Variants in UBAC2 observed in about 807,000 individuals in gnomAD.
The protein encoded by UBAC2 is ubiquitin-associated domain-containing protein 2.
Under a neutral mutation model 44.0 loss-of-function variants are expected in UBAC2, and 26 were observed. The ratio of observed to expected loss-of-function variants is 0.59; its 90% CI spans 0.43 to 0.82. UBAC2 has a LOEUF of 0.82. Among genes scored for constraint, UBAC2 ranks in the 40% least tolerant of loss-of-function variants. The pLI, the probability that UBAC2 is intolerant of heterozygous loss-of-function variation, is 0.00. For missense variants in UBAC2, 329 were observed against 419.4 expected, an observed-to-expected ratio of 0.78 and a Z score of 1.88; for synonymous variants, 155 against 154.3, an observed-to-expected ratio of 1.00 and a Z score of -0.04.
chr13:99,290,110 A>G (rs2044069846), intron 4 of UBAC2, among the ~76,000 whole-genome samples: 1 of 151,138 alleles, frequency 6.6e-6, no homozygotes, highest in Non-Finnish European at 1.5e-5. Context: ...CTGGCTCCCC[A>G]CTTGCTGACT....
intron 6 of UBAC2, among the ~76,000 whole-genome samples, chr13:99,340,036 T>C (rs193037480): frequency 1.2e-3 from 178 of 152,312 alleles, no homozygotes; most frequent in African/African-American, 3.9e-3. Flanking sequence ...ATGAAGACAG[T>C]GTCTTGACAA....
At chr13:99,374,289 A>G (rs1011449772) in intron 8 of UBAC2, among the ~76,000 whole-genome samples, 1 of 152,108 alleles carries the variant, frequency 6.6e-6, no homozygotes, top group Non-Finnish European at 1.5e-5. Flanking sequence ...GGGATCTCCT[A>G]TTTTTAGAAA....
rs1299730994 is a variant in UBAC2 at position 99,277,017 on chromosome 13, C to T, written c.389+32393C>T. 2.0e-5 allele frequency among the ~76,000 whole-genome samples: 3 copies of T among 152,144 alleles called. No homozygotes were observed. The East Asian group carries it at 5.8e-4, about 29-fold the overall frequency. The stretch of plus-strand genomic sequence containing the variant: ...TAATCAGGTTGCCTCTCAGATTTCA[C>T]CACTGGTGGCTTAGTATTTGGTTTT... On this transcript the variant is annotated intron_variant, in intron 4 of 8. Transcript: ENST00000403766.
intron 4 of UBAC2, among the ~76,000 whole-genome samples, chr13:99,304,535 T>C (rs2044303439): frequency 6.6e-6 from 1 of 152,104 alleles, no homozygotes; most frequent in Admixed American, 6.5e-5. Flanking sequence ...ACCCATTAGT[T>C]AAAGAATAGC....
intron 2 of UBAC2, among the ~76,000 whole-genome samples, chr13:99,239,796 G>C (rs2043279706): frequency 6.6e-6 from 1 of 152,212 alleles, no homozygotes; most frequent in Non-Finnish European, 1.5e-5. Context: ...GGGAGTTGCA[G>C]TTCTGCCTTG....
intron 7 of UBAC2, among the ~76,000 whole-genome samples, chr13:99,361,829 C>G (rs1469324354): frequency 6.6e-6 from 1 of 152,122 alleles, no homozygotes; most frequent in African/African-American, 2.4e-5. Context: ...GACCATATAT[C>G]CATCTAAAAA....
intron 6 of UBAC2, among the ~76,000 whole-genome samples, chr13:99,324,170 T>C (rs2044606237): frequency 6.6e-6 from 1 of 152,206 alleles, no homozygotes; most frequent in Non-Finnish European, 1.5e-5. Flanking sequence ...TACCAGACAC[T>C]TGTGGTAGAT....
intron 1 of UBAC2, chr13:99,201,708 T>G: frequency 2.5e-6 from 2 of 802,840 alleles, no homozygotes; most frequent in Non-Finnish European, 4.0e-6. Flanking sequence ...TTGCAATTGC[T>G]TGTCACTGTT....
chr13:99,238,497 G>T lies in UBAC2; in HGVS notation c.102G>T (p.Leu34=). The T allele has an allele frequency of 2.5e-6, 4 of 1,613,756 alleles. No homozygotes were observed. Among genetic ancestry groups the T allele is most frequent in the Middle Eastern group, 1.6e-4 (1 of 6,062 alleles). Residue 34 remains leucine (L), a synonymous_variant, in exon 2 of 9, where the codon CTG becomes CTT. Coordinates refer to ENST00000403766, the MANE Select transcript of UBAC2 (RefSeq NM_001144072.2). ...SALSLLLALL[L]PHCQKLFVYD... ...TCTCCCTCCTGCTCGCCCTCCTCCTGCCTCACTGCCAGAAGCTCTTTGTGT... is the reference window on the plus strand; with the variant it reads ...TCTCCCTCCTGCTCGCCCTCCTCCTTCCTCACTGCCAGAAGCTCTTTGTGT...
At chr13:99,232,399 G>GAGATATATATATAT (rs1367302629) in intron 1 of UBAC2, among the ~76,000 whole-genome samples, 9 of 109,894 alleles carry the variant, frequency 8.2e-5, no homozygotes, top group Non-Finnish European at 1.1e-4. Context: ...TTAGTTGAGA[G>GAGATATATATATAT]ATATAGATAT....
At chr13:99,274,654 G>A (rs980916569) in intron 4 of UBAC2, among the ~76,000 whole-genome samples, 1 of 151,870 alleles carries the variant, frequency 6.6e-6, no homozygotes, top group African/African-American at 2.4e-5. Flanking sequence ...AATGGACATT[G>A]GGATTGTTTA....
intron 1 of UBAC2, chr13:99,215,385 T>A: frequency 8.3e-7 from 1 of 1,200,654 alleles, no homozygotes; most frequent in Non-Finnish European, 1.2e-6. Context: ...GACAGTCTTC[T>A]GTTGTCCTTT....
chr13:99,269,686 A>G (rs1164601434), intron 4 of UBAC2, among the ~76,000 whole-genome samples: 1 of 152,168 alleles, frequency 6.6e-6, no homozygotes, highest in Non-Finnish European at 1.5e-5. Context: ...AATAAATTAC[A>G]TTTTTCATAT....
rs60706378 is a variant in UBAC2, at chr13:99,329,976, C to T, written c.562-10344C>T. On this transcript the variant is annotated intron_variant, in intron 6 of 8. Coordinates refer to ENST00000403766, the MANE Select transcript of UBAC2 (RefSeq NM_001144072.2). ...TAACAGTATTGAGTTCTCCAATGCA[C>T]GAACGTGATAAGTCTCTACGTTTAT... 1.0e-2 allele frequency among the ~76,000 whole-genome samples: 1,517 copies of T among 152,302 alleles called. 29 individuals carry two copies. Among genetic ancestry groups the T allele is most frequent in the African/African-American group, 0.035 (1,469 of 41,548 alleles).
intron 7 of UBAC2, among the ~76,000 whole-genome samples, chr13:99,354,613 T>C (rs1190660316): frequency 1.3e-5 from 2 of 152,104 alleles, no homozygotes; most frequent in African/African-American, 2.4e-5. Context: ...GAGGGCACTT[T>C]AGGTGGCAGG....
chr13:99,340,496 A>G lies in UBAC2; in HGVS notation c.738A>G (p.Arg246=), dbSNP rs148354473. The G allele has an allele frequency of 8.7e-6, 14 of 1,614,064 alleles. No homozygotes were observed. The African/African-American group carries it at 1.6e-4, about 18-fold the overall frequency. ...GATLDIQRQQ[R]MELLDRQLMF... ...CGCTGGACATCCAGAGACAGCAGAG[A>G]ATGGAGCTGCTGGACCGGCAGCTGA... is the stretch of plus-strand genomic sequence containing the variant. The change falls in exon 7 of 9, where the codon AGA becomes AGG. Residue 246 remains arginine, a synonymous_variant. Coordinates refer to ENST00000403766, the MANE Select transcript of UBAC2 (RefSeq NM_001144072.2).
chr13:99,255,100 C>T, intron 4 of UBAC2: 1 of 1,614,094 alleles, frequency 6.2e-7, no homozygotes, highest in Non-Finnish European at 8.5e-7. Context: ...CTCCCCCGTT[C>T]CCAGCATCAG....
chr13:99,242,643 C>T (rs1170030503), intron 2 of UBAC2, among the ~76,000 whole-genome samples: 3 of 125,266 alleles, frequency 2.4e-5, no homozygotes, highest in Admixed American at 1.5e-4. Context: ...CTGACCCCCC[C>T]ACCTCCCTCC....
At chr13:99,313,188 G>A (rs1420881849) in intron 4 of UBAC2, 2 of 152,108 alleles carry the variant, frequency 1.3e-5, no homozygotes, top group African/African-American at 2.4e-5. Flanking sequence ...GTTTCACCGT[G>A]TTAGCCAGGA....
Sources: gnomAD v4.1 joint callset for allele counts (sites outside exome capture counted in the v4.1 genomes callset) on GRCh38, gnomAD v4.1.1 for gene constraint, MANE v1.5 for transcripts, NCBI Gene and HGNC (gene_info 2026-07-23, HGNC 2026-07-21) for gene names.